TESK2: variants seen among roughly 807,000 people sequenced by gnomAD.
TESK2 encodes testis associated actin remodelling kinase 2.
A neutral mutation model predicts 57.1 loss-of-function variants in TESK2; 39 were observed. The ratio of observed to expected loss-of-function variants is 0.68; its 90% CI spans 0.53 to 0.89. The LOEUF (loss-of-function observed/expected upper bound fraction) is 0.89. Among genes scored for constraint, TESK2 ranks in the 40% least tolerant of loss-of-function variants. The probability of loss-of-function intolerance (pLI) is 0.00; values close to 1 mark genes in which losing one functional copy is unlikely to be tolerated. For synonymous variants in TESK2, 249 were observed against 267.9 expected (o/e 0.93, Z 0.69); for missense variants, 646 against 732.1 (o/e 0.88, Z 1.36).
chr1:45,479,932 C>G (rs919780969), intron 1 of TESK2, among the ~76,000 whole-genome samples: 1 of 150,784 alleles, frequency 6.6e-6, no homozygotes, highest in East Asian at 2.0e-4. Flanking sequence ...AAGCCATTCT[C>G]CTGTCTCAGC....
At chr1:45,426,803 T>G (rs1233930169) in intron 2 of TESK2, among the ~76,000 whole-genome samples, 1 of 152,076 alleles carries the variant, frequency 6.6e-6, no homozygotes, top group East Asian at 1.9e-4. Context: ...GAACAGACAT[T>G]TCTCAAAAGA....
intron 1 of TESK2, among the ~76,000 whole-genome samples, chr1:45,461,478 C>T (rs896810817): frequency 1.3e-5 from 2 of 152,146 alleles, no homozygotes; most frequent in South Asian, 4.1e-4. Context: ...AGAACTGGAA[C>T]CAAGTTCTAT....
chr1:45,437,850 A>G (rs530703109), intron 2 of TESK2, among the ~76,000 whole-genome samples: 90 of 152,338 alleles, frequency 5.9e-4, no homozygotes, highest in Middle Eastern at 3.4e-3. Flanking sequence ...GGCTGGTTTG[A>G]TATGAGACAG....
intron 2 of TESK2, among the ~76,000 whole-genome samples, chr1:45,444,341 G>T (rs1377867930): frequency 6.6e-6 from 1 of 152,042 alleles, no homozygotes; most frequent in Non-Finnish European, 1.5e-5. Context: ...AAAATAAACA[G>T]ACCTATTCCC....
At chr1:45,482,817 T>C (rs1253930294) in intron 1 of TESK2, among the ~76,000 whole-genome samples, 3 of 151,464 alleles carry the variant, frequency 2.0e-5, no homozygotes, top group Non-Finnish European at 4.4e-5. Context: ...CTGTCTCTAC[T>C]AAATATACAA....
At chr1:45,467,390 A>G (rs533513435) in intron 1 of TESK2, among the ~76,000 whole-genome samples, 18 of 151,988 alleles carry the variant, frequency 1.2e-4, no homozygotes, top group African/African-American at 4.1e-4. Flanking sequence ...TGTCACCCAG[A>G]CTGGAGTACA....
rs1163539767 is a variant in TESK2 at position 45,347,035 on chromosome 1, GGAT to G, written c.733_735del (p.Ile245del). On this transcript the variant is annotated inframe_deletion, in exon 8 of 11. Coordinates refer to ENST00000372086, the MANE Select transcript of TESK2 (RefSeq NM_007170.3). ...TGGATGCGGGCGATGATCTCGCAGA[GGAT>G]GATACCATAAGAGAACACATCTGCC... 6.2e-7 allele frequency: 1 copy of G among 1,614,198 alleles called. No homozygotes were observed.
intron 3 of TESK2, among the ~76,000 whole-genome samples, chr1:45,416,365 G>C (rs1448431200): frequency 1.3e-5 from 2 of 151,896 alleles, no homozygotes; most frequent in Non-Finnish European, 2.9e-5. Flanking sequence ...TCTTGAACTT[G>C]TGAGCTCAAG....
intron 1 of TESK2, among the ~76,000 whole-genome samples, chr1:45,467,028 C>T (rs1652580758): frequency 6.6e-6 from 1 of 151,836 alleles, no homozygotes; most frequent in Admixed American, 6.6e-5. Flanking sequence ...AATGAAGACA[C>T]TAAATTCATA....
intron 4 of TESK2, among the ~76,000 whole-genome samples, chr1:45,376,501 G>T (rs1648434894): frequency 6.6e-6 from 1 of 151,930 alleles, no homozygotes; most frequent in African/African-American, 2.4e-5. Context: ...TTACAGGCGT[G>T]AGCCACTGTG....
chr1:45,457,537 T>C, intron 2 of TESK2, 27 bp downstream of exon 2: 1 of 1,600,160 alleles, frequency 6.2e-7, no homozygotes, highest in Non-Finnish European at 8.6e-7. Context: ...AGCAAGACAA[T>C]ATGAGAAAAG....
At chr1:45,396,264 T>C (rs1649351419) in intron 3 of TESK2, among the ~76,000 whole-genome samples, 2 of 152,054 alleles carry the variant, frequency 1.3e-5, no homozygotes, top group Admixed American at 1.3e-4. Flanking sequence ...TGGCTAATTT[T>C]TTTGTATTTT....
intron 4 of TESK2, among the ~76,000 whole-genome samples, chr1:45,381,792 C>A (rs1648662769): frequency 6.7e-6 from 1 of 148,582 alleles, no homozygotes; most frequent in African/African-American, 2.5e-5. Flanking sequence ...TTCCCTGATA[C>A]TTGTGACTAA....
At position 45,345,141 on chromosome 1, in the gene TESK2, A is replaced by C; in HGVS notation, c.1415T>G (p.Val472Gly). The C allele has an allele frequency of 6.2e-7, 1 of 1,614,176 alleles. No homozygotes were observed. ...ATCAGATAGCGATTCTTCCCGGCCC[A>C]CAAATGGACAAGCCTCTTGATGCAA... ...EFLHQEACPFVGREESLSDGP... is the reference protein window; with the variant it reads ...EFLHQEACPFGGREESLSDGP... The change falls in exon 11 of 11, where the codon GTG becomes GGG. Residue 472 changes from valine (V) to glycine (G), a missense_variant. By Grantham distance (109) the Val-to-Gly change is moderately radical. Coordinates refer to ENST00000372086, the MANE Select transcript of TESK2 (RefSeq NM_007170.3).
intron 3 of TESK2, among the ~76,000 whole-genome samples, chr1:45,395,062 G>A (rs922367802): frequency 2.0e-5 from 3 of 152,034 alleles, no homozygotes; most frequent in Non-Finnish European, 4.4e-5. Context: ...CTTTTCTATA[G>A]CATGATTTAC....
intron 2 of TESK2, among the ~76,000 whole-genome samples, chr1:45,442,501 A>G (rs1217023588): frequency 6.6e-6 from 1 of 152,192 alleles, no homozygotes; most frequent in African/African-American, 2.4e-5. Context: ...AAACAAAACT[A>G]GGACTATTAT....
intron 3 of TESK2, among the ~76,000 whole-genome samples, chr1:45,409,252 C>T (rs1649951673): frequency 6.6e-6 from 1 of 152,096 alleles, no homozygotes; most frequent in African/African-American, 2.4e-5. Context: ...TAACAAATAT[C>T]GATGTCTATT....
At chr1:45,469,803 T>C (rs962633357) in intron 1 of TESK2, among the ~76,000 whole-genome samples, 10 of 152,178 alleles carry the variant, frequency 6.6e-5, no homozygotes, top group Non-Finnish European at 1.2e-4. Flanking sequence ...CAAATCCCAA[T>C]CATTCTCTAT....
chr1:45,468,689 GAACAGA>G (rs1652650762), intron 1 of TESK2, among the ~76,000 whole-genome samples: 1 of 151,722 alleles, frequency 6.6e-6, no homozygotes, highest in Non-Finnish European at 1.5e-5. Context: ...ACTTTTTTTG[GAACAGA>G]GATAACTACA....
Sources: allele counts gnomAD v4.1 joint callset (sites outside exome capture counted in the v4.1 genomes callset), GRCh38; gene constraint gnomAD v4.1.1; transcripts MANE v1.5; gene names NCBI Gene and HGNC (gene_info 2026-07-23, HGNC 2026-07-21).